Variants in STON1 observed in about 807,000 individuals in gnomAD.
STON1 encodes the protein stonin 1, also known as stonin-1.
A neutral mutation model predicts 60.9 loss-of-function variants in STON1; 79 were observed. The observed-to-expected ratio is 1.30, with a 90% CI of 1.08 to 1.56. STON1 has a LOEUF of 1.56. Among genes scored for constraint, STON1 ranks in the 40% most tolerant of loss-of-function variants. The pLI, the probability that STON1 is intolerant of heterozygous loss-of-function variation, is 0.00. For synonymous variants in STON1, 363 were observed against 306.9 expected, an observed-to-expected ratio of 1.18 and a Z score of -1.91; for missense variants, 1,166 against 858.9, an observed-to-expected ratio of 1.36 and a Z score of -4.47.
rs945642943 is a variant in STON1, at chr2:48,593,951, C to T, written c.2134-1277C>T. Among the ~76,000 whole-genome samples the T allele has an allele frequency of 2.0e-5, 3 of 152,184 alleles. No homozygotes were observed. The East Asian group carries it at 5.8e-4, about 29-fold the overall frequency. On this transcript the variant is annotated intron_variant, in intron 3 of 3. Coordinates refer to ENST00000404752, the MANE Select transcript of STON1 (RefSeq NM_006873.4). ...CCGCCGCTGAAGATAGCTGCCTTTC[C>T]TGAGGTCATGCCTCCTTCCTGGAAT...
At chr2:48,530,439 C>A (rs1264476054) in intron 1 of STON1, 1 of 205,036 alleles carries the variant, frequency 4.9e-6, no homozygotes, top group Non-Finnish European at 9.7e-6. Flanking sequence ...CCTCGGCTCC[C>A]CTCTGTTCTG....
chr2:48,566,444 G>C (rs995525669), intron 1 of STON1, among the ~76,000 whole-genome samples: 2 of 151,482 alleles, frequency 1.3e-5, no homozygotes, highest in South Asian at 4.2e-4. Flanking sequence ...CACCATGCCC[G>C]GCTAATTTTT....
intron 1 of STON1, among the ~76,000 whole-genome samples, chr2:48,580,287 C>G (rs1203808967): frequency 1.3e-5 from 2 of 152,102 alleles, no homozygotes; most frequent in African/African-American, 4.8e-5. Flanking sequence ...TTCTTTGTCT[C>G]CTATGATAGT....
chr2:48,557,343 C>T lies in STON1; in HGVS notation c.-47-23244C>T, dbSNP rs1245749067. ...GCTCCTCACATCCCAGATGGGGCGG[C>T]GGGGCAGAGGCGCTCCCCACATCTC... On this transcript the variant is annotated intron_variant, in intron 1 of 3. Transcript: ENST00000404752. 1.8e-4 allele frequency among the ~76,000 whole-genome samples: 17 copies of T among 96,118 alleles called. 1 individual carries two copies. Among genetic ancestry groups the T allele is most frequent in the African/African-American group, 5.6e-4 (15 of 26,918 alleles). 63.1% of individuals were successfully genotyped at this position (96,118 alleles called of 152,430 possible).
chr2:48,575,277 G>A (rs1469826796), intron 1 of STON1, among the ~76,000 whole-genome samples: 1 of 152,158 alleles, frequency 6.6e-6, no homozygotes, highest in African/African-American at 2.4e-5. Context: ...TTAACATTTA[G>A]GTTGTTTCCA....
chr2:48,530,258 AC>A (rs746233021), intron 1 of STON1, 42 bp downstream of exon 1: 35 of 346,642 alleles, frequency 1.0e-4, no homozygotes, highest in East Asian at 1.8e-4. Context: ...GAGGCCTGGG[AC>A]CCCCCCTCTC....
chr2:48,597,231 G>A lies in STON1; in HGVS notation c.*1929G>A, dbSNP rs1371714333. 1 of 152,050 alleles carries A rather than the reference G, an allele frequency of 6.6e-6. No individual in the cohort carries two copies. Among genetic ancestry groups the A allele is most frequent in the African/African-American group, 2.4e-5 (1 of 41,390 alleles). 9.4% of individuals were successfully genotyped at this position (152,050 alleles called of 1,614,324 possible). A position where few individuals can be genotyped will look rare whatever the true frequency, so the allele number is the denominator to read the frequency against. ...GAGGCTCACTGTTGATGTAGAGTAG[G>A]GCAAATCTGTGTGTGTATGTCATTA... On this transcript the variant is annotated 3_prime_UTR_variant, in exon 4 of 4. Coordinates refer to ENST00000404752, the MANE Select transcript of STON1 (RefSeq NM_006873.4).
chr2:48,560,283 C>G (rs925437460), intron 1 of STON1, among the ~76,000 whole-genome samples: 2 of 152,180 alleles, frequency 1.3e-5, no homozygotes, highest in East Asian at 3.8e-4. Context: ...GAGCCAAACG[C>G]TCTTCAGCTA....
chr2:48,591,720 T>C lies in STON1; in HGVS notation c.1998T>C (p.Asp666=). Reference sequence around the variant, plus strand: ...GATCAGACCAAGAAATTCCCTCTGATTGGTATCCATTTGCTACTGTTCAGT... The same window carrying C: ...GATCAGACCAAGAAATTCCCTCTGACTGGTATCCATTTGCTACTGTTCAGT... ...ELGSDQEIPS[D]WYPFATVQFS... is the part of the protein sequence containing the mutation. Residue 666 remains aspartate (D), a synonymous_variant, in exon 3 of 4, where the codon GAT becomes GAC. Coordinates refer to ENST00000404752, the MANE Select transcript of STON1 (RefSeq NM_006873.4). The C allele has an allele frequency of 2.5e-6, 4 of 1,614,158 alleles. No individual in the cohort carries two copies. The highest frequency in any genetic ancestry group is 2.2e-5 in the East Asian group (1 of 44,888).
At position 48,581,943 on chromosome 2, in the gene STON1, C is replaced by G. The variant is rs1215224912; in HGVS notation, c.1310C>G (p.Ala437Gly). The change falls in exon 2 of 4, where the codon GCT becomes GGT. Residue 437 changes from alanine (A) to glycine (G), a missense_variant. Transcript: ENST00000404752. ...AAAGAAGGAAAATTTGTTGAAAGTGCTGTGATAACTCAAATTTATTGCCTC... is the reference window on the plus strand; with the variant it reads ...AAAGAAGGAAAATTTGTTGAAAGTGGTGTGATAACTCAAATTTATTGCCTC... Reference protein sequence around the residue: ...VTKEGKFVESAVITQIYCLCF... With the variant: ...VTKEGKFVESGVITQIYCLCF... 1 of 1,614,138 alleles carries G rather than the reference C, an allele frequency of 6.2e-7. No homozygotes were observed.
At chr2:48,576,870 C>T (rs1017681641) in intron 1 of STON1, among the ~76,000 whole-genome samples, 2 of 151,034 alleles carry the variant, frequency 1.3e-5, no homozygotes, top group South Asian at 4.2e-4. Flanking sequence ...CTGGCTAACA[C>T]GGTGAAACCC....
chr2:48,549,398 C>T (rs540793950), intron 1 of STON1, among the ~76,000 whole-genome samples: 30 of 152,116 alleles, frequency 2.0e-4, no homozygotes, highest in Non-Finnish European at 3.8e-4. Flanking sequence ...GTCCACAAAC[C>T]TTCCATGGAA....
chr2:48,590,258 G>T lies in STON1; in HGVS notation c.1931-1395G>T, dbSNP rs191919014. Among the ~76,000 whole-genome samples, 447 of 152,312 alleles carry T rather than the reference G, an allele frequency of 2.9e-3. 1 individual carries two copies. The highest frequency in any genetic ancestry group is 0.011 in the South Asian group (54 of 4,828). Reference sequence around the variant, plus strand: ...TCCTACCCTTCCTGTAAGTGGTAGAGATGGCTAATGAGCATCTGTTGGTTA... The same window carrying T: ...TCCTACCCTTCCTGTAAGTGGTAGATATGGCTAATGAGCATCTGTTGGTTA... On this transcript the variant is annotated intron_variant, in intron 2 of 3. Transcript: ENST00000404752.
chr2:48,541,583 C>T (rs1671654209), intron 1 of STON1, among the ~76,000 whole-genome samples: 1 of 148,704 alleles, frequency 6.7e-6, no homozygotes, highest in South Asian at 2.1e-4. Context: ...CCTGTAGTCC[C>T]AGCTACTTGG....
At chr2:48,582,990 T>G (rs1171261540) in intron 2 of STON1, among the ~76,000 whole-genome samples, 1 of 152,260 alleles carries the variant, frequency 6.6e-6, no homozygotes, top group Non-Finnish European at 1.5e-5. Flanking sequence ...ATACCACTTC[T>G]TCCTTAGGTT....
At chr2:48,578,639 A>G (rs1673687653) in intron 1 of STON1, among the ~76,000 whole-genome samples, 1 of 118,438 alleles carries the variant, frequency 8.4e-6, no homozygotes, top group African/African-American at 3.3e-5. Context: ...TCCAGGCTGG[A>G]GTGCAATGGT....
chr2:48,549,832 A>AG (rs1553356264), intron 1 of STON1, among the ~76,000 whole-genome samples: 1 of 149,066 alleles, frequency 6.7e-6, no homozygotes, highest in African/African-American at 2.5e-5. Flanking sequence ...AAAAAAAAAA[A>AG]AGAGAAAAGA....
chr2:48,592,019 G>A (rs6753793), intron 3 of STON1, among the ~76,000 whole-genome samples, 164 bp downstream of exon 3: 3,826 of 152,180 alleles, frequency 0.025, 175 homozygotes, highest in African/African-American at 0.086. Flanking sequence ...ATTGAGCTTA[G>A]TTCTTCCTAT....
rs754808773 is a variant in STON1 at position 48,580,722 on chromosome 2, A to T, written c.89A>T (p.Glu30Val). ...SSQKSKNFPL[E>V]NQGVCRPNGL... ...CAAAAGTCAAAGAATTTTCCTCTGGAGAATCAAGGTGTCTGTAGACCAAAT... is the reference window on the plus strand; with the variant it reads ...CAAAAGTCAAAGAATTTTCCTCTGGTGAATCAAGGTGTCTGTAGACCAAAT... Residue 30 changes from glutamate (E) to valine (V), a missense_variant, in exon 2 of 4, where the codon GAG (glutamate) becomes GTG (valine). Glu to Val is a moderately radical substitution (Grantham distance 121). Coordinates refer to ENST00000404752, the MANE Select transcript of STON1 (RefSeq NM_006873.4). 8.1e-6 allele frequency: 12 copies of T among 1,490,354 alleles called. No homozygotes were observed. Among genetic ancestry groups the T allele is most frequent in the Non-Finnish European group, 8.9e-7 (1 of 1,119,260 alleles). The allele number at this position is 1,490,354 out of a possible 1,614,324, so 92.3% of individuals were successfully genotyped here.
Sources: gnomAD v4.1 joint callset for allele counts (sites outside exome capture counted in the v4.1 genomes callset) on GRCh38, gnomAD v4.1.1 for gene constraint, MANE v1.5 for transcripts, NCBI Gene and HGNC (gene_info 2026-07-23, HGNC 2026-07-21) for gene names.